The following NLGN4X variants were observed in gnomAD, a reference collection of about 807,000 sequenced individuals.
NLGN4X encodes neuroligin-4, X-linked.
Under a neutral mutation model 40.3 loss-of-function variants are expected in NLGN4X, and 3 were observed. The observed-to-expected ratio is 0.07, with a 90% confidence interval of 0.03 to 0.19. The LOEUF (loss-of-function observed/expected upper bound fraction) is 0.19, where lower values mean the gene tolerates loss of function less well. Among genes scored for constraint, NLGN4X ranks in the 10% least tolerant of loss-of-function variants. The probability of loss-of-function intolerance (pLI) is 1.00; values close to 1 mark genes in which losing one functional copy is unlikely to be tolerated. For synonymous variants in NLGN4X, 270 were observed against 306.8 expected (o/e 0.88, Z 1.25); for missense variants, 382 against 708.3 (o/e 0.54, Z 5.23).
At chrX:5,921,812 G>A (rs1266903563) in intron 3 of NLGN4X, among the ~76,000 whole-genome samples, 4 of 111,742 alleles carry the variant, frequency 3.6e-5, no homozygotes, top group Non-Finnish European at 5.6e-5. Context: ...GTAGCTACAC[G>A]GTGTTAGGCT....
At chrX:5,973,081 GA>G (rs1290990764) in intron 3 of NLGN4X, among the ~76,000 whole-genome samples, 1 of 112,123 alleles carries the variant, frequency 8.9e-6, no homozygotes, top group Non-Finnish European at 1.9e-5. Flanking sequence ...TAATTAACAG[GA>G]AAAAAATACC....
chrX:5,904,037 A>C (rs547981840), intron 4 of NLGN4X, among the ~76,000 whole-genome samples, 171 bp from the exon 5 acceptor site: 4 of 108,400 alleles, frequency 3.7e-5, no homozygotes, highest in African/African-American at 1.3e-4. Context: ...TTCCCCCTTC[A>C]CCCCTCCTCC....
chrX:5,994,158 G>C (rs761877722), intron 3 of NLGN4X, among the ~76,000 whole-genome samples: 2 of 112,083 alleles, frequency 1.8e-5, no homozygotes, highest in Non-Finnish European at 3.8e-5. Flanking sequence ...TAATGGAGGA[G>C]AAATTGCAAC....
intron 2 of NLGN4X, among the ~76,000 whole-genome samples, chrX:6,054,447 T>C (rs1393535288): frequency 2.7e-5 from 3 of 110,110 alleles, no homozygotes; most frequent in African/African-American, 9.9e-5. Context: ...AGACCCTGTT[T>C]CTACAAAAAT....
chrX:5,914,026 T>C (rs757766063), intron 3 of NLGN4X, among the ~76,000 whole-genome samples: 2 of 112,055 alleles, frequency 1.8e-5, no homozygotes, highest in Non-Finnish European at 3.8e-5. Context: ...GAACTGTGAG[T>C]CCATTAAACT....
At chrX:5,925,905 T>TACAC (rs1191806131) in intron 3 of NLGN4X, among the ~76,000 whole-genome samples, 1 of 42,399 alleles carries the variant, frequency 2.4e-5, no homozygotes. Flanking sequence ...TATATATATA[T>TACAC]ATATATATAT....
At chrX:6,159,403 CTATGAT>C (rs928155366) in intron 1 of NLGN4X, among the ~76,000 whole-genome samples, 1 of 112,128 alleles carries the variant, frequency 8.9e-6, no homozygotes, top group Non-Finnish European at 1.9e-5. Context: ...CTTTTTATGA[CTATGAT>C]TATTTTACAA....
chrX:5,924,641 G>T (rs947949267), intron 3 of NLGN4X, among the ~76,000 whole-genome samples: 2 of 111,962 alleles, frequency 1.8e-5, no homozygotes, highest in African/African-American at 6.5e-5. Context: ...AGAAACTGTG[G>T]TACATAAATA....
At chrX:5,956,566 T>C (rs1032131437) in intron 3 of NLGN4X, among the ~76,000 whole-genome samples, 2 of 111,678 alleles carry the variant, frequency 1.8e-5, no homozygotes, top group Non-Finnish European at 3.8e-5. Flanking sequence ...TGTGTTTCCA[T>C]TGCCTGAAAT....
At chrX:5,979,126 C>T (rs1405957881) in intron 3 of NLGN4X, among the ~76,000 whole-genome samples, 1 of 111,508 alleles carries the variant, frequency 9.0e-6, no homozygotes, top group African/African-American at 3.3e-5. Context: ...TATCTGCTTA[C>T]AGACAGGCAT....
intron 3 of NLGN4X, among the ~76,000 whole-genome samples, chrX:5,971,117 CATTTTCT>C (rs2035008958): frequency 8.9e-6 from 1 of 112,032 alleles, no homozygotes; most frequent in Non-Finnish European, 1.9e-5. Context: ...ATTGGAAATA[CATTTTCT>C]ATTTTCAGAA....
At chrX:6,051,928 T>C (rs946754180) in intron 2 of NLGN4X, among the ~76,000 whole-genome samples, 2 of 110,872 alleles carry the variant, frequency 1.8e-5, no homozygotes, top group African/African-American at 6.6e-5. Context: ...TTAGGTTATG[T>C]TATCTAAGAT....
At position 6,169,824 on chromosome X, in the gene NLGN4X, GA is replaced by G. The variant is rs200628444; in HGVS notation, c.-305-18054del. ...ATTCTGTGACTTCAGTTAAGAAAGG[GA>G]AAAAAAAATGGGAAGCTTGGGAGAA... On this transcript the variant is annotated intron_variant, in intron 1 of 5. Coordinates refer to ENST00000381095, the MANE Select transcript of NLGN4X (RefSeq NM_181332.3). Among the ~76,000 whole-genome samples the G allele has an allele frequency of 7.4e-5, 8 of 108,537 alleles. No individual in the cohort carries two copies. In the South Asian group the frequency reaches 2.4e-3, roughly 32 times the overall value. The allele number at this position is 108,537 out of a possible 115,157, so 94.3% of individuals were successfully genotyped here. A position where few individuals can be genotyped will look rare whatever the true frequency, so the allele number is the denominator to read the frequency against.
chrX:6,193,252 G>A (rs367914358), intron 1 of NLGN4X, among the ~76,000 whole-genome samples: 2,613 of 109,572 alleles, frequency 0.024, 108 homozygotes, highest in African/African-American at 0.081. Context: ...TACTAAAAAT[G>A]CAAAAAATTA....
chrX:6,197,937 C>T (rs1398883952), intron 1 of NLGN4X, among the ~76,000 whole-genome samples: 4 of 109,119 alleles, frequency 3.7e-5, no homozygotes, highest in Non-Finnish European at 7.6e-5. Context: ...TGGTGGTGCA[C>T]GCCTGTAGTC....
chrX:6,157,813 G>A lies in NLGN4X; in HGVS notation c.-305-6042C>T, dbSNP rs375998470. Among the ~76,000 whole-genome samples the A allele has an allele frequency of 5.4e-5, 6 of 111,241 alleles. No homozygotes were observed. The East Asian group carries it at 1.1e-3, about 21-fold the overall frequency. Reference sequence around the variant, plus strand: ...AGCACCATCACTTTGGGGTTACAACGTCAACATGGGGATTCTGGAAAGACA... The same window carrying A: ...AGCACCATCACTTTGGGGTTACAACATCAACATGGGGATTCTGGAAAGACA... On this transcript the variant is annotated intron_variant, in intron 1 of 5. Transcript: ENST00000381095.
intron 2 of NLGN4X, among the ~76,000 whole-genome samples, chrX:6,038,230 C>T (rs998042145): frequency 9.0e-6 from 1 of 111,493 alleles, no homozygotes; most frequent in Non-Finnish European, 1.9e-5. Flanking sequence ...CACAGAAGAT[C>T]TGGGGCCAGG....
intron 2 of NLGN4X, among the ~76,000 whole-genome samples, chrX:6,057,727 T>A (rs1414842785): frequency 8.9e-6 from 1 of 111,802 alleles, no homozygotes; most frequent in African/African-American, 3.2e-5. Context: ...TTGAATAAGA[T>A]CTACTTAATA....
chrX:5,934,044 TCCC>T (rs2033651378), intron 3 of NLGN4X, among the ~76,000 whole-genome samples: 2 of 111,456 alleles, frequency 1.8e-5, no homozygotes, highest in Non-Finnish European at 3.8e-5. Flanking sequence ...TGACCAAAAT[TCCC>T]CCATGAACCC....
Sources: allele counts gnomAD v4.1 joint callset (sites outside exome capture counted in the v4.1 genomes callset), GRCh38; gene constraint gnomAD v4.1.1; transcripts MANE v1.5; gene names NCBI Gene and HGNC (gene_info 2026-07-23, HGNC 2026-07-21).